Variants in IGF1 observed in about 807,000 individuals in gnomAD.
The protein encoded by IGF1 is insulin like growth factor 1, also known as insulin-like growth factor 1.
Under a neutral mutation model 13.8 loss-of-function variants are expected in IGF1, and 4 were observed. The observed-to-expected ratio is 0.29, with a 90% CI of 0.14 to 0.66. The LOEUF is 0.66. Ranked by LOEUF, IGF1 falls within the 30% of genes least tolerant of loss-of-function variation. The pLI, the probability that IGF1 is intolerant of heterozygous loss-of-function variation, is 0.78. For synonymous variants in IGF1, 76 were observed against 72.6 expected (o/e 1.05, Z -0.23); for missense variants, 124 against 188.5 (o/e 0.66, Z 2.00).
At chr12:102,430,529 C>T (rs1443508826) in intron 2 of IGF1, among the ~76,000 whole-genome samples, 1 of 152,096 alleles carries the variant, frequency 6.6e-6, no homozygotes, top group African/African-American at 2.4e-5. Flanking sequence ...AGTAGGAGTT[C>T]TGATGAGAGA....
chr12:102,431,407 A>C (rs1876727126), intron 2 of IGF1, among the ~76,000 whole-genome samples: 1 of 152,186 alleles, frequency 6.6e-6, no homozygotes, highest in African/African-American at 2.4e-5. Flanking sequence ...GTTTGCAATA[A>C]TACACTACCA....
At chr12:102,467,882 TTC>T (rs1467375214) in intron 2 of IGF1, among the ~76,000 whole-genome samples, 1 of 152,242 alleles carries the variant, frequency 6.6e-6, no homozygotes, top group Non-Finnish European at 1.5e-5. Context: ...CACATGTCAC[TTC>T]TCTCTGGATT....
intron 2 of IGF1, among the ~76,000 whole-genome samples, chr12:102,430,896 A>G (rs1876682594): frequency 6.6e-6 from 1 of 152,218 alleles, no homozygotes; most frequent in Admixed American, 6.5e-5. Context: ...ATTTTTCAGA[A>G]CATCTGTGCC....
intron 2 of IGF1, among the ~76,000 whole-genome samples, chr12:102,456,759 G>A (rs1488182615): frequency 6.6e-6 from 1 of 152,120 alleles, no homozygotes; most frequent in African/African-American, 2.4e-5. Flanking sequence ...ATTTGCCCTT[G>A]TAATTCCAGT....
In IGF1 at chr12:102,400,736, C is replaced by T. The variant is rs184224688; in HGVS notation, c.*1771G>A. ...ATAGAATATTATTTATAGTATTAAA[C>T]GAGGTTTTACTAGATATGTAGTAAC... On this transcript the variant is annotated 3_prime_UTR_variant, in exon 4 of 4. Coordinates refer to ENST00000337514, the MANE Select transcript of IGF1 (RefSeq NM_000618.5). 34 of 152,074 alleles carry T rather than the reference C, an allele frequency of 2.2e-4. No individual in the cohort carries two copies. The East Asian group carries it at 5.8e-3, about 26-fold the overall frequency. 9.4% of individuals were successfully genotyped at this position (152,074 alleles called of 1,614,324 possible).
At chr12:102,410,164 A>C (rs990565388) in intron 3 of IGF1, among the ~76,000 whole-genome samples, 1 of 152,190 alleles carries the variant, frequency 6.6e-6, no homozygotes, top group Non-Finnish European at 1.5e-5. Context: ...TGATGTAAAA[A>C]ATCTCTATCA....
chr12:102,439,964 G>T (rs937565924), intron 2 of IGF1, among the ~76,000 whole-genome samples: 1 of 152,116 alleles, frequency 6.6e-6, no homozygotes, highest in Non-Finnish European at 1.5e-5. Flanking sequence ...CTGACCCCAG[G>T]CGCTGTGGGA....
intron 2 of IGF1, among the ~76,000 whole-genome samples, chr12:102,459,879 A>G (rs1261816250): frequency 1.3e-5 from 2 of 152,236 alleles, no homozygotes; most frequent in Non-Finnish European, 2.9e-5. Context: ...TAGTCTGGTA[A>G]CTATGTGATA....
At chr12:102,439,611 C>T (rs1157766011) in intron 2 of IGF1, among the ~76,000 whole-genome samples, 1 of 151,572 alleles carries the variant, frequency 6.6e-6, no homozygotes, top group African/African-American at 2.4e-5. Context: ...GTAATCTTTC[C>T]ACAAAACTTG....
intron 2 of IGF1, among the ~76,000 whole-genome samples, chr12:102,435,606 T>C (rs1320183899): frequency 6.6e-6 from 1 of 152,220 alleles, no homozygotes; most frequent in Admixed American, 6.5e-5. Context: ...ACTGAGAGTT[T>C]AAGTGGCTTA....
chr12:102,467,060 A>G (rs1287455370), intron 2 of IGF1, among the ~76,000 whole-genome samples: 2 of 152,188 alleles, frequency 1.3e-5, no homozygotes, highest in African/African-American at 2.4e-5. Flanking sequence ...CCCCAGTTTT[A>G]CAGGTAATCA....
intron 3 of IGF1, among the ~76,000 whole-genome samples, chr12:102,414,733 A>G (rs539775599): frequency 1.3e-5 from 2 of 152,138 alleles, no homozygotes; most frequent in Non-Finnish European, 2.9e-5. Flanking sequence ...CTTAAGGACT[A>G]TATTTTAGCC....
chr12:102,425,280 G>A (rs1249231348), intron 2 of IGF1, among the ~76,000 whole-genome samples: 4 of 152,136 alleles, frequency 2.6e-5, no homozygotes, highest in African/African-American at 9.7e-5. Flanking sequence ...TCTATGAACT[G>A]CATGTCATAA....
intron 3 of IGF1, among the ~76,000 whole-genome samples, chr12:102,418,259 G>A (rs772773947): frequency 1.3e-5 from 2 of 152,236 alleles, no homozygotes; most frequent in Non-Finnish European, 2.9e-5. Flanking sequence ...CTTTGCCCCA[G>A]CAAGCACGCT....
intron 2 of IGF1, among the ~76,000 whole-genome samples, chr12:102,459,405 T>C (rs1033604433): frequency 1.3e-5 from 2 of 152,040 alleles, no homozygotes; most frequent in African/African-American, 2.4e-5. Flanking sequence ...AGCACGATCA[T>C]GGAGGAGGCT....
At chr12:102,465,165 A>G (rs549160510) in intron 2 of IGF1, among the ~76,000 whole-genome samples, 2 of 152,334 alleles carry the variant, frequency 1.3e-5, no homozygotes, top group South Asian at 4.1e-4. Context: ...GAGAAGATAC[A>G]CTGCCAAATT....
chr12:102,415,406 A>T (rs1379233434), intron 3 of IGF1, among the ~76,000 whole-genome samples: 1 of 152,180 alleles, frequency 6.6e-6, no homozygotes, highest in African/African-American at 2.4e-5. Context: ...GGTTCATATT[A>T]TTCAGTAATC....
intron 2 of IGF1, among the ~76,000 whole-genome samples, chr12:102,431,922 T>C (rs1387507356): frequency 6.6e-6 from 1 of 152,198 alleles, no homozygotes; most frequent in Non-Finnish European, 1.5e-5. Flanking sequence ...CCCAGTGCAT[T>C]GTGACCCTTT....
chr12:102,462,055 C>A (rs1879939636), intron 2 of IGF1, among the ~76,000 whole-genome samples: 2 of 152,156 alleles, frequency 1.3e-5, no homozygotes, highest in Admixed American at 6.6e-5. Flanking sequence ...GGGGTCAGGG[C>A]CCCTGACTCT....
Sources: allele counts gnomAD v4.1 joint callset (sites outside exome capture counted in the v4.1 genomes callset), GRCh38; gene constraint gnomAD v4.1.1; transcripts MANE v1.5; gene names NCBI Gene and HGNC (gene_info 2026-07-23, HGNC 2026-07-21).